The following TSHZ3 variants were observed in gnomAD, a reference collection of about 807,000 sequenced individuals.
The protein encoded by TSHZ3 is teashirt zinc finger homeobox 3.
Under a neutral mutation model 64.5 loss-of-function variants are expected in TSHZ3, and 10 were observed. That is an observed-to-expected ratio of 0.16 (90% CI 0.10 to 0.26). The LOEUF is 0.26. Among genes scored for constraint, TSHZ3 ranks in the 10% least tolerant of loss-of-function variants. The pLI, the probability that TSHZ3 is intolerant of heterozygous loss-of-function variation, is 1.00. For synonymous variants in TSHZ3, 608 were observed against 593.1 expected (o/e 1.03, Z -0.36); for missense variants, 1,242 against 1,421.7 (o/e 0.87, Z 2.03).
intron 5 of TSHZ3, among the ~76,000 whole-genome samples, chr19:31,176,141 G>A (rs1432473335): frequency 6.6e-6 from 1 of 152,150 alleles, no homozygotes; most frequent in Non-Finnish European, 1.5e-5. Flanking sequence ...TAGGTAGGTG[G>A]TGCAGACTGA....
Position 31,277,706 on chromosome 19 carries a change from T to A in TSHZ3, c.2087A>T (p.Lys696Met). Residue 696 changes from lysine to methionine, a missense_variant, in exon 2 of 2, where the codon AAG becomes ATG. Physicochemically the swap from Lys to Met is moderately conservative, Grantham distance 95. Around this residue, in one of 4 missense-constraint regions of TSHZ3, gnomAD observed 550 missense variants for 545.1 expected, o/e 1.01. Transcript: ENST00000240587. This position sits in a 1 kb window ranked among gnomAD's most constrained non-coding sequence, Gnocchi z 4.5. ...EPVENGKELV[K>M]PLASSLSGST... Reference sequence around the variant, plus strand: ...GCCACTCAAACTGCTGGCTAGGGGCTTCACCAGCTCCTTGCCATTCTCCAC... The same window carrying A: ...GCCACTCAAACTGCTGGCTAGGGGCATCACCAGCTCCTTGCCATTCTCCAC... 1 of 1,525,542 alleles carries A rather than the reference T, an allele frequency of 6.6e-7. No homozygotes were observed. Among genetic ancestry groups the A allele is most frequent in the Non-Finnish European group, 8.8e-7 (1 of 1,138,758 alleles). The allele number at this position is 1,525,542 out of a possible 1,614,324, so 94.5% of individuals were successfully genotyped here. A position where few individuals can be genotyped will look rare whatever the true frequency, so the allele number is the denominator to read the frequency against.
At chr19:31,221,849 C>T (rs939871287) in intron 4 of TSHZ3, among the ~76,000 whole-genome samples, 3 of 152,174 alleles carry the variant, frequency 2.0e-5, no homozygotes, top group South Asian at 4.1e-4. Flanking sequence ...TAATGTGCTT[C>T]TGAAAGGTGA....
chr19:31,246,257 T>G (rs1419878375), intron 1 of TSHZ3, among the ~76,000 whole-genome samples: 1 of 152,214 alleles, frequency 6.6e-6, no homozygotes, highest in African/African-American at 2.4e-5. Flanking sequence ...TCTGGAAAGA[T>G]TCATACCAAA....
chr19:31,170,054 GC>G (rs971563839), intron 5 of TSHZ3, among the ~76,000 whole-genome samples: 2 of 152,202 alleles, frequency 1.3e-5, no homozygotes, highest in African/African-American at 4.8e-5. Flanking sequence ...TGTTTTGAAA[GC>G]CATGGAGCCT....
intron 1 of TSHZ3, among the ~76,000 whole-genome samples, chr19:31,313,421 G>A (rs1916514983): frequency 6.6e-6 from 1 of 152,238 alleles, no homozygotes; most frequent in Non-Finnish European, 1.5e-5. Context: ...GGAGCTGGAA[G>A]CCAAGTGTGC....
chr19:31,258,126 G>A (rs1323363697), intron 1 of TSHZ3, among the ~76,000 whole-genome samples: 2 of 152,144 alleles, frequency 1.3e-5, no homozygotes, highest in Non-Finnish European at 2.9e-5. Context: ...TACCAGAGGC[G>A]AGGAGCTGGG....
intron 1 of TSHZ3, among the ~76,000 whole-genome samples, chr19:31,259,197 A>G (rs1975953235): frequency 6.6e-6 from 1 of 152,238 alleles, no homozygotes; most frequent in South Asian, 2.1e-4. Context: ...AAATCAGGCT[A>G]TTAGACAAGT....
At chr19:31,179,298 AC>A (rs1379150011) in intron 5 of TSHZ3, among the ~76,000 whole-genome samples, 2 of 152,168 alleles carry the variant, frequency 1.3e-5, no homozygotes, top group Non-Finnish European at 2.9e-5. Flanking sequence ...TCATCTGATA[AC>A]CTTTGCCAGG....
intron 5 of TSHZ3, among the ~76,000 whole-genome samples, chr19:31,197,541 A>G (rs1377989146): frequency 1.3e-5 from 2 of 151,822 alleles, no homozygotes; most frequent in Non-Finnish European, 2.9e-5. Flanking sequence ...TTTAGAAAAT[A>G]TAAGTAAAAT....
chr19:31,348,570 G>A (rs1211314284), intron 1 of TSHZ3, among the ~76,000 whole-genome samples: 4 of 152,204 alleles, frequency 2.6e-5, no homozygotes, highest in Admixed American at 2.0e-4. Context: ...GGAGGGGGTG[G>A]GGGCGAGGAA....
chr19:31,296,037 T>G (rs1451539864), intron 1 of TSHZ3, among the ~76,000 whole-genome samples: 1 of 150,616 alleles, frequency 6.6e-6, no homozygotes, highest in East Asian at 2.0e-4. Flanking sequence ...TTCTCTAATT[T>G]CTCATATGAG....
At chr19:31,229,839 GTGC>G (rs1975516075) in intron 3 of TSHZ3, among the ~76,000 whole-genome samples, 1 of 152,184 alleles carries the variant, frequency 6.6e-6, no homozygotes, top group Non-Finnish European at 1.5e-5. Flanking sequence ...TGTCAAAGAT[GTGC>G]AAACTGAAAC....
At chr19:31,190,264 G>A (rs1974882158) in intron 5 of TSHZ3, among the ~76,000 whole-genome samples, 1 of 152,114 alleles carries the variant, frequency 6.6e-6, no homozygotes, top group South Asian at 2.1e-4. Context: ...TTCTAAGACA[G>A]GCATGCACAT....
intron 1 of TSHZ3, among the ~76,000 whole-genome samples, chr19:31,247,672 G>C (rs773015822): frequency 6.6e-6 from 1 of 152,102 alleles, no homozygotes; most frequent in Non-Finnish European, 1.5e-5. Flanking sequence ...TGTAGATGAC[G>C]GGTTATCCTA....
At chr19:31,340,633 C>G (rs1224085541) in intron 1 of TSHZ3, among the ~76,000 whole-genome samples, 1 of 152,132 alleles carries the variant, frequency 6.6e-6, no homozygotes, top group Admixed American at 6.5e-5. Context: ...TCAGTGCGGG[C>G]CCTGATTACT....
chr19:31,342,686 GA>G (rs1440716153), intron 1 of TSHZ3, among the ~76,000 whole-genome samples: 5 of 152,232 alleles, frequency 3.3e-5, no homozygotes, highest in Non-Finnish European at 7.3e-5. Context: ...AAAAGTAAAT[GA>G]ATTGGAGTCA....
At chr19:31,166,105 C>G (rs1309092478) in intron 5 of TSHZ3, among the ~76,000 whole-genome samples, 3 of 152,200 alleles carry the variant, frequency 2.0e-5, no homozygotes, top group Non-Finnish European at 4.4e-5. Context: ...TATTCCTGCA[C>G]AGCGTTCAGC....
chr19:31,255,830 C>A (rs528263348), intron 1 of TSHZ3, among the ~76,000 whole-genome samples: 42 of 152,260 alleles, frequency 2.8e-4, no homozygotes, highest in Non-Finnish European at 1.6e-4. Flanking sequence ...GGTAAGCCCC[C>A]CCTTACTCAG....
At chr19:31,347,794 G>A (rs140002832) in intron 1 of TSHZ3, among the ~76,000 whole-genome samples, 113 of 152,324 alleles carry the variant, frequency 7.4e-4, no homozygotes, top group African/African-American at 2.6e-3. Flanking sequence ...ATTTCTGGGA[G>A]AAGAGAGAAT....
Sources: allele counts gnomAD v4.1 joint callset (sites outside exome capture counted in the v4.1 genomes callset), GRCh38; gene constraint gnomAD v4.1.1; regional missense constraint gnomAD v4.1.1; non-coding constraint Gnocchi (gnomAD v3.1); transcripts MANE v1.5; gene names NCBI Gene and HGNC (gene_info 2026-07-23, HGNC 2026-07-21).